Variants in PLXNA4 observed in about 807,000 individuals in gnomAD.
PLXNA4 encodes plexin-A4.
Under a neutral mutation model 191.8 loss-of-function variants are expected in PLXNA4, and 44 were observed. The observed-to-expected ratio is 0.23, with a 90% CI of 0.18 to 0.29. The LOEUF is 0.29. Ranked by LOEUF, PLXNA4 falls within the 10% of genes least tolerant of loss-of-function variation. The pLI, the probability that PLXNA4 is intolerant of heterozygous loss-of-function variation, is 1.00. For synonymous variants in PLXNA4, 1,082 were observed against 1,009.5 expected (o/e 1.07, Z -1.36); for missense variants, 1,800 against 2,488.8 (o/e 0.72, Z 5.89).
intron 1 of PLXNA4, among the ~76,000 whole-genome samples, chr7:132,569,031 T>C (rs1801856938): frequency 6.6e-6 from 1 of 152,242 alleles, no homozygotes; most frequent in Non-Finnish European, 1.5e-5. Context: ...ACAGAGGCTC[T>C]AGCTTGACCT....
At chr7:132,555,642 C>T (rs754219452) in intron 1 of PLXNA4, among the ~76,000 whole-genome samples, 1 of 152,196 alleles carries the variant, frequency 6.6e-6, no homozygotes, top group Non-Finnish European at 1.5e-5. Flanking sequence ...GGACACTGAA[C>T]CTCAGAGAAG....
intron 10 of PLXNA4, among the ~76,000 whole-genome samples, chr7:132,209,218 G>T (rs117756309): frequency 6.6e-6 from 1 of 152,324 alleles, no homozygotes; most frequent in Non-Finnish European, 1.5e-5. Flanking sequence ...TCCCTCTCTT[G>T]GGCACAGCCA....
Position 132,130,397 on chromosome 7 carries a change from C to A in PLXNA4, c.*82G>T. ...GGGATGCTGCTGATGCCAGTCGGAA[C>A]TTGCACTTGGTAAAGATGATAATCT... On this transcript the variant is annotated 3_prime_UTR_variant, in exon 32 of 32. Coordinates refer to ENST00000321063, the MANE Select transcript of PLXNA4 (RefSeq NM_020911.2). The A allele has an allele frequency of 6.3e-7, 1 of 1,598,972 alleles. No individual in the cohort carries two copies. Among genetic ancestry groups the A allele is most frequent in the Non-Finnish European group, 8.6e-7 (1 of 1,168,204 alleles).
At chr7:132,342,112 G>A (rs1486631751) in intron 3 of PLXNA4, among the ~76,000 whole-genome samples, 1 of 151,504 alleles carries the variant, frequency 6.6e-6, no homozygotes, top group East Asian at 1.9e-4. Context: ...GCTTCAAGGA[G>A]ACCACCTAAG....
At chr7:132,448,702 C>T (rs1027350456) in intron 3 of PLXNA4, among the ~76,000 whole-genome samples, 4 of 152,226 alleles carry the variant, frequency 2.6e-5, no homozygotes, top group Middle Eastern at 6.8e-3. Flanking sequence ...TGTTCTCAGA[C>T]CTAAAGTGGA....
At chr7:132,571,548 G>A (rs969816725) in intron 1 of PLXNA4, among the ~76,000 whole-genome samples, 5 of 152,130 alleles carry the variant, frequency 3.3e-5, no homozygotes, top group Admixed American at 2.6e-4. Flanking sequence ...AGTACCTACC[G>A]TGAGTGGTGT....
chr7:132,323,353 C>T (rs2116649794), intron 3 of PLXNA4, among the ~76,000 whole-genome samples: 1 of 152,336 alleles, frequency 6.6e-6, no homozygotes, highest in East Asian at 1.9e-4. Flanking sequence ...ATTAGGTTTT[C>T]ATTTTACAAA....
intron 7 of PLXNA4, among the ~76,000 whole-genome samples, chr7:132,227,024 G>A (rs1157774010): frequency 6.6e-6 from 1 of 152,130 alleles, no homozygotes; most frequent in Admixed American, 6.5e-5. Context: ...GGGGAGACCC[G>A]GTAGGGCAGA....
At chr7:132,558,513 A>G (rs1157122654) in intron 1 of PLXNA4, among the ~76,000 whole-genome samples, 1 of 152,250 alleles carries the variant, frequency 6.6e-6, no homozygotes, top group Non-Finnish European at 1.5e-5. Context: ...AAAATTATTT[A>G]ATTAGTTTAT....
intron 25 of PLXNA4, among the ~76,000 whole-genome samples, chr7:132,152,376 G>A (rs955766124): frequency 4.6e-5 from 7 of 152,316 alleles, no homozygotes; most frequent in Non-Finnish European, 1.0e-4. Context: ...GTCCCCTCAC[G>A]GTGTGCACGA....
chr7:132,418,906 G>T (rs2117130542), intron 3 of PLXNA4, among the ~76,000 whole-genome samples: 1 of 152,252 alleles, frequency 6.6e-6, no homozygotes, highest in Admixed American at 6.5e-5. Flanking sequence ...CCAGTGATTT[G>T]TTCCCATCGA....
At chr7:132,543,689 C>A (rs1488060604) in intron 1 of PLXNA4, among the ~76,000 whole-genome samples, 2 of 152,194 alleles carry the variant, frequency 1.3e-5, no homozygotes, top group African/African-American at 4.8e-5. Context: ...CATGGATAAA[C>A]TTGAATGCTA....
chr7:132,279,195 G>A (rs959321408), intron 4 of PLXNA4, among the ~76,000 whole-genome samples: 1 of 152,198 alleles, frequency 6.6e-6, no homozygotes, highest in African/African-American at 2.4e-5. Flanking sequence ...ACTGTGATGG[G>A]CCAAGGTGTG....
intron 25 of PLXNA4, among the ~76,000 whole-genome samples, chr7:132,153,185 G>A (rs1403435260): frequency 6.6e-6 from 1 of 152,154 alleles, no homozygotes; most frequent in East Asian, 1.9e-4. Flanking sequence ...TTCACTGGCT[G>A]GCCAGGGGGA....
chr7:132,546,609 A>G (rs1800317982), intron 1 of PLXNA4, among the ~76,000 whole-genome samples: 1 of 152,202 alleles, frequency 6.6e-6, no homozygotes, highest in African/African-American at 2.4e-5. Context: ...AGCTTTTTTA[A>G]TAATACACTG....
rs745707582 is a variant in PLXNA4, at chr7:132,179,805, G to A, written c.3756C>T (p.Phe1252=). The part of the protein sequence containing the change: ...IAVAGGLLII[F]IVAVLIAYKR... ...TATAGGCAATGAGCACGGCCACGAT[G>A]AAAATGATGAGGAGGCCGCCAGCCA... Residue 1252 remains phenylalanine (F), a synonymous_variant, in exon 20 of 32, where the codon TTC becomes TTT. Transcript: ENST00000321063. 6.2e-7 allele frequency: 1 copy of A among 1,613,434 alleles called. No individual in the cohort carries two copies. Among genetic ancestry groups the A allele is most frequent in the South Asian group, 1.1e-5 (1 of 91,050 alleles).
intron 3 of PLXNA4, among the ~76,000 whole-genome samples, chr7:132,306,000 C>G (rs997903470): frequency 6.6e-6 from 1 of 152,124 alleles, no homozygotes; most frequent in African/African-American, 2.4e-5. Flanking sequence ...GAGAGGGGAA[C>G]AGAGCAAACC....
chr7:132,148,292 C>T (rs1270056559), intron 26 of PLXNA4, among the ~76,000 whole-genome samples: 1 of 152,200 alleles, frequency 6.6e-6, no homozygotes, highest in East Asian at 1.9e-4. Context: ...CCCAGAGGAA[C>T]TTCTCAGGAG....
Position 132,632,640 on chromosome 7 carries a change from T to A in PLXNA4, c.-87+13288A>T, listed in dbSNP as rs10271740. 2.3e-3 allele frequency among the ~76,000 whole-genome samples: 357 copies of A among 152,248 alleles called. 3 individuals carry two copies. The highest frequency in any genetic ancestry group is 8.1e-3 in the African/African-American group (335 of 41,544). On this transcript the variant is annotated intron_variant, in intron 2 of 4. Transcript: ENST00000378539. ...AAATAATTTGGGGGAGGGTAGATAA[T>A]CACAAAATTGCCAAGTTTATATTTT...
Sources: allele counts gnomAD v4.1 joint callset (sites outside exome capture counted in the v4.1 genomes callset), GRCh38; gene constraint gnomAD v4.1.1; transcripts MANE v1.5; gene names NCBI Gene and HGNC (gene_info 2026-07-23, HGNC 2026-07-21).